VSIG1: variants seen among roughly 807,000 people sequenced by gnomAD.
VSIG1 encodes V-set and immunoglobulin domain-containing protein 1.
VSIG1 carries 11 observed loss-of-function variants against 20.1 expected under a neutral mutation model. That is an observed-to-expected ratio of 0.55 (90% CI 0.34 to 0.91). The LOEUF is 0.91. Ranked by LOEUF, VSIG1 falls within the 40% of genes least tolerant of loss-of-function variation. VSIG1 has a pLI of 0.02. For synonymous variants in VSIG1, 126 were observed against 116.7 expected, an observed-to-expected ratio of 1.08 and a Z score of -0.52; for missense variants, 283 against 298.8, an observed-to-expected ratio of 0.95 and a Z score of 0.39.
chrX:108,041,383 G>A (rs2030477074), upstream of VSIG1, among the ~76,000 whole-genome samples: 1 of 111,469 alleles, frequency 9.0e-6, no homozygotes, highest in Non-Finnish European at 1.9e-5. Context: ...ATAAATTGAG[G>A]TACATTCATA....
At chrX:108,045,273 C>T in intron 1 of VSIG1, 94 bp downstream of exon 1, 1 of 707,661 alleles carries the variant, frequency 1.4e-6, no homozygotes. Flanking sequence ...TTTTCATCTC[C>T]TGTACTTCAA....
chrX:108,047,110 A>G (rs1427779021), intron 1 of VSIG1, among the ~76,000 whole-genome samples: 1 of 111,579 alleles, frequency 9.0e-6, no homozygotes, highest in Non-Finnish European at 1.9e-5. Flanking sequence ...GTGCAATTTG[A>G]TGTTCTTCCT....
At chrX:108,042,039 G>T (rs12353806), upstream of VSIG1, among the ~76,000 whole-genome samples, 5,507 of 111,449 alleles carry the variant, frequency 0.049, 124 homozygotes, top group East Asian at 0.097. Flanking sequence ...AAATTATAAA[G>T]CTCTATAAAA....
At chrX:108,061,665 A>G in intron 2 of VSIG1, 1 of 518,284 alleles carries the variant, frequency 1.9e-6, no homozygotes, top group Admixed American at 3.2e-5. Context: ...CAAGCCCCTG[A>G]CAAAACTGGG....
At chrX:108,050,119 A>G (rs1417732916) in intron 1 of VSIG1, among the ~76,000 whole-genome samples, 1 of 112,699 alleles carries the variant, frequency 8.9e-6, no homozygotes, top group Non-Finnish European at 1.9e-5. Context: ...TGTGACAGAG[A>G]ACACAGATAT....
At chrX:108,049,214 A>T (rs1033253437) in intron 1 of VSIG1, among the ~76,000 whole-genome samples, 1 of 112,591 alleles carries the variant, frequency 8.9e-6, no homozygotes, top group African/African-American at 3.2e-5. Flanking sequence ...AGGTGATATT[A>T]TTAAACTTTT....
At chrX:108,038,500 C>T in the VSIG1 span, among the ~76,000 whole-genome samples, 2 of 111,950 alleles carry the variant, frequency 1.8e-5, no homozygotes, top group Admixed American at 9.5e-5. Context: ...TCAGCAATCC[C>T]AATACTGGGT....
intron 1 of VSIG1, among the ~76,000 whole-genome samples, chrX:108,056,919 T>C (rs931392880): frequency 8.9e-6 from 1 of 112,420 alleles, no homozygotes; most frequent in Non-Finnish European, 1.9e-5. Flanking sequence ...TAAAAATTTA[T>C]GTTCATGCAA....
Position 108,067,092 on chromosome X carries a change from T to C in VSIG1, c.370T>C (p.Phe124Leu). The C allele has an allele frequency of 8.3e-7, 1 of 1,211,402 alleles. No individual in the cohort carries two copies. The highest frequency in any genetic ancestry group is 3.0e-5 in the East Asian group (1 of 33,827). The change falls in exon 3 of 7, where the codon TTT becomes CTT. Residue 124 changes from phenylalanine (F) to leucine (L), a missense_variant. Physicochemically the swap from Phe to Leu is conservative, Grantham distance 22 (BLOSUM62 0). Coordinates refer to ENST00000217957, the MANE Select transcript of VSIG1 (RefSeq NM_182607.5). ...YICDVNNPPD[F>L]LGQNQGILNV... ...CTGCGATGTTAACAACCCCCCAGAC[T>C]TTCTCGGCCAAAACCAAGGCATCCT...
chrX:108,059,437 G>T (rs748471269), intron 2 of VSIG1, among the ~76,000 whole-genome samples: 1 of 111,821 alleles, frequency 8.9e-6, no homozygotes, highest in South Asian at 3.7e-4. Flanking sequence ...CTCAATACTG[G>T]TTACCTTGGA....
chrX:108,064,578 C>G (rs1158062792), intron 2 of VSIG1: 1 of 185,047 alleles, frequency 5.4e-6, no homozygotes. Context: ...AAGATCTCTG[C>G]AGAAATAAGG....
At position 108,076,070 on chromosome X, in the gene VSIG1, C is replaced by T; in HGVS notation, c.689-7C>T. 8.3e-7 allele frequency: 1 copy of T among 1,209,609 alleles called. No individual in the cohort carries two copies. On this transcript the variant is annotated splice_region_variant and splice_polypyrimidine_tract_variant and intron_variant, in intron 5 of 6. Transcript: ENST00000217957. ...CACTTTATTAACCAGCTGCTTGTAT[C>T]CTTCAGATCCAGAAGTTGGAATCAT...
intron 3 of VSIG1, among the ~76,000 whole-genome samples, chrX:108,069,637 C>A (rs923615490): frequency 3.6e-5 from 4 of 111,445 alleles, no homozygotes; most frequent in African/African-American, 1.3e-4. Flanking sequence ...TGTTACCCAG[C>A]AGTGAGCATC....
intron 1 of VSIG1, among the ~76,000 whole-genome samples, chrX:108,053,606 T>C (rs779291106): frequency 9.0e-6 from 1 of 111,685 alleles, no homozygotes. Context: ...AAACAAATAA[T>C]AAAATAGCAA....
chrX:108,057,426 G>T (rs972941076), intron 1 of VSIG1, among the ~76,000 whole-genome samples: 6 of 112,027 alleles, frequency 5.4e-5, no homozygotes, highest in African/African-American at 1.9e-4. Flanking sequence ...TATGAATAAG[G>T]TCGATAGGTT....
rs2031292834 is a variant in VSIG1 at position 108,073,447 on chromosome X, G to A, written c.688+78G>A. The A allele has an allele frequency of 2.0e-5, 22 of 1,115,108 alleles. No homozygotes were observed. The South Asian group carries it at 4.0e-4, about 20-fold the overall frequency. 91.9% of individuals were successfully genotyped at this position (1,115,108 alleles called of 1,213,427 possible). ...CCTGTCAGACAAATAAATTAGTTAG[G>A]ATCCCCAGTTAGTGCTTCCTGCTTC... On this transcript the variant is annotated intron_variant, in intron 5 of 6. Coordinates refer to ENST00000217957, the MANE Select transcript of VSIG1 (RefSeq NM_182607.5).
At chrX:108,025,079 G>A in the VSIG1 span, among the ~76,000 whole-genome samples, 2 of 111,127 alleles carry the variant, frequency 1.8e-5, no homozygotes, top group East Asian at 5.6e-4. Flanking sequence ...GTAGAACTGT[G>A]TATTTATCAC....
chrX:108,029,808 G>A, the VSIG1 span, among the ~76,000 whole-genome samples: 1 of 111,762 alleles, frequency 8.9e-6, no homozygotes, highest in African/African-American at 3.3e-5. Flanking sequence ...AGGTGAGAAA[G>A]TGGAAAAGGA....
At chrX:108,061,101 C>A (rs2031010267) in intron 2 of VSIG1, among the ~76,000 whole-genome samples, 2 of 112,642 alleles carry the variant, frequency 1.8e-5, no homozygotes, top group South Asian at 7.3e-4. Flanking sequence ...AACTGACAGC[C>A]TGCTCAACCA....
Sources: allele counts gnomAD v4.1 joint callset (sites outside exome capture counted in the v4.1 genomes callset), GRCh38; gene constraint gnomAD v4.1.1; transcripts MANE v1.5; gene names NCBI Gene and HGNC (gene_info 2026-07-23, HGNC 2026-07-21).